XKR6: variants seen among roughly 807,000 people sequenced by gnomAD.
The protein encoded by XKR6 is XK-related protein 6.
In XKR6, 22 loss-of-function variants were observed where a neutral mutation model predicts 56.7. The ratio of observed to expected loss-of-function variants is 0.39; its 90% CI spans 0.28 to 0.55. The LOEUF is 0.55. XKR6 is among the 20% of genes least tolerant of loss of function. The probability of loss-of-function intolerance (pLI) is 0.66; values close to 1 mark genes in which losing one functional copy is unlikely to be tolerated. For missense variants in XKR6, 852 were observed against 889.0 expected (o/e 0.96, Z 0.53); for synonymous variants, 524 against 387.8 (o/e 1.35, Z -4.13).
chr8:11,013,420 C>T (rs1002814489), intron 1 of XKR6, among the ~76,000 whole-genome samples: 19 of 152,140 alleles, frequency 1.2e-4, no homozygotes, highest in African/African-American at 4.1e-4. Context: ...TTCAGGATGC[C>T]GGCTCTCATG....
chr8:11,179,157 CTCT>C (rs1191045417), intron 1 of XKR6, among the ~76,000 whole-genome samples: 3 of 151,704 alleles, frequency 2.0e-5, no homozygotes, highest in African/African-American at 7.3e-5. Context: ...ACACCCAGCC[CTCT>C]TCTTTTAATT....
intron 1 of XKR6, among the ~76,000 whole-genome samples, chr8:11,088,065 G>A (rs1401282762): frequency 6.6e-6 from 1 of 152,194 alleles, no homozygotes. Flanking sequence ...ATGCAAACAA[G>A]ATAAGTAGCT....
chr8:10,998,724 G>A (rs1489083496), intron 1 of XKR6, among the ~76,000 whole-genome samples: 4 of 152,142 alleles, frequency 2.6e-5, no homozygotes, highest in Admixed American at 6.5e-5. Flanking sequence ...CTCCATTTCC[G>A]CTGGGCTCTC....
intron 1 of XKR6, among the ~76,000 whole-genome samples, chr8:11,083,287 G>A (rs1445381806): frequency 2.0e-5 from 3 of 152,320 alleles, no homozygotes; most frequent in African/African-American, 7.2e-5. Flanking sequence ...GAGTGAGGAA[G>A]GAATGGGAAT....
At chr8:11,044,592 C>T (rs1799362041) in intron 1 of XKR6, among the ~76,000 whole-genome samples, 1 of 152,092 alleles carries the variant, frequency 6.6e-6, no homozygotes, top group African/African-American at 2.4e-5. Flanking sequence ...GATCATCCTC[C>T]CAACAACGCT....
intron 1 of XKR6, among the ~76,000 whole-genome samples, chr8:11,016,377 G>A (rs1014285377): frequency 6.6e-6 from 1 of 152,184 alleles, no homozygotes; most frequent in African/African-American, 2.4e-5. Flanking sequence ...AGTGTGCGCC[G>A]CGGGGACGCC....
rs781183141 is a variant in XKR6 at position 10,896,162 on chromosome 8, T to G, written c.*1790A>C. On this transcript the variant is annotated 3_prime_UTR_variant, in exon 3 of 3. Coordinates refer to ENST00000416569, the MANE Select transcript of XKR6 (RefSeq NM_173683.4). ...CTTTTCCTTTTTTTTTGTGCCCAAG[T>G]AGAGATACGATGCGATTGAAACGAT... 2 of 150,564 alleles carry G rather than the reference T, an allele frequency of 1.3e-5. No homozygotes were observed. The highest frequency in any genetic ancestry group is 2.4e-5 in the African/African-American group (1 of 41,066). 9.3% of individuals were successfully genotyped at this position (150,564 alleles called of 1,614,324 possible).
At position 11,064,636 on chromosome 8, in the gene XKR6, C is replaced by A. The variant is rs79355829; in HGVS notation, c.764+135940G>T. ...CAAGTTTCCTCAGACATTTCAGATA[C>A]TTGCATACTCTATTCTTTCATTCTC... On this transcript the variant is annotated intron_variant, in intron 1 of 2. Coordinates refer to ENST00000416569, the MANE Select transcript of XKR6 (RefSeq NM_173683.4). 1.3e-3 allele frequency among the ~76,000 whole-genome samples: 203 copies of A among 152,316 alleles called. 1 individual carries two copies. Among genetic ancestry groups the A allele is most frequent in the African/African-American group, 4.7e-3 (194 of 41,576 alleles).
intron 1 of XKR6, among the ~76,000 whole-genome samples, chr8:11,042,402 C>T (rs28754721): frequency 0.1 from 15,750 of 152,036 alleles, 929 homozygotes; most frequent in African/African-American, 0.16. Context: ...AGATTTTTCC[C>T]GTGCTATTCT....
chr8:11,201,366 T>C lies in XKR6; in HGVS notation c.-27A>G, dbSNP rs531042626. 2.0e-5 allele frequency: 11 copies of C among 544,794 alleles called. No individual in the cohort carries two copies. The African/African-American group carries it at 2.3e-4, about 11-fold the overall frequency. The allele number at this position is 544,794 out of a possible 1,614,324, so 33.7% of individuals were successfully genotyped here. ...TTGACTCTCTTCCCAGCTCCGGAGG[T>C]TGGGGGGGAGGGACGGCGGGGGGGG... is the stretch of plus-strand genomic sequence containing the variant. On this transcript the variant is annotated 5_prime_UTR_variant, in exon 1 of 3. Coordinates refer to ENST00000416569, the MANE Select transcript of XKR6 (RefSeq NM_173683.4).
chr8:11,154,223 C>G (rs1289171010), intron 1 of XKR6, among the ~76,000 whole-genome samples: 1 of 152,176 alleles, frequency 6.6e-6, no homozygotes, highest in Non-Finnish European at 1.5e-5. Flanking sequence ...TCACACGATA[C>G]CAGTAGACAT....
At chr8:11,126,123 C>G (rs1323429801) in intron 1 of XKR6, 1 of 151,674 alleles carries the variant, frequency 6.6e-6, no homozygotes, top group East Asian at 2.0e-4. Flanking sequence ...GACTGAAGTG[C>G]AGTGGCATGA....
intron 1 of XKR6, among the ~76,000 whole-genome samples, chr8:10,992,214 T>C (rs896669072): frequency 3.9e-5 from 6 of 152,134 alleles, no homozygotes; most frequent in African/African-American, 1.4e-4. Flanking sequence ...AATTAATAGA[T>C]GGTGGTAAAT....
intron 1 of XKR6, among the ~76,000 whole-genome samples, chr8:11,101,286 T>C (rs1005599021): frequency 1.3e-5 from 2 of 152,186 alleles, no homozygotes; most frequent in African/African-American, 4.8e-5. Flanking sequence ...TGTAAACTGC[T>C]GGACTTCCAG....
chr8:11,152,037 T>C (rs955339282), intron 1 of XKR6, among the ~76,000 whole-genome samples: 1 of 152,186 alleles, frequency 6.6e-6, no homozygotes, highest in East Asian at 1.9e-4. Flanking sequence ...ATTAACAAAT[T>C]ACTATCAAAA....
chr8:10,939,244 AG>A (rs1244794422), intron 1 of XKR6, among the ~76,000 whole-genome samples: 1 of 152,142 alleles, frequency 6.6e-6, no homozygotes, highest in Admixed American at 6.5e-5. Flanking sequence ...AAGGAAGGGC[AG>A]GAAGAGCCCT....
chr8:11,122,190 G>C (rs186983874), intron 1 of XKR6, among the ~76,000 whole-genome samples: 1 of 152,170 alleles, frequency 6.6e-6, no homozygotes. Flanking sequence ...TTGAAAATAC[G>C]GTCTTGCCTT....
chr8:11,118,752 A>G, intron 1 of XKR6, among the ~76,000 whole-genome samples: 1 of 152,152 alleles, frequency 6.6e-6, no homozygotes, highest in Non-Finnish European at 1.5e-5. Flanking sequence ...ATCTTTTCAA[A>G]AAACCAGCTC....
At chr8:10,924,926 C>T (rs937703820) in intron 1 of XKR6, 96 bp from the exon 2 acceptor site, 8 of 1,308,234 alleles carry the variant, frequency 6.1e-6, no homozygotes, top group Non-Finnish European at 8.4e-6. Context: ...GACTCAGCAT[C>T]CCCCCAACTC....
Sources: allele counts gnomAD v4.1 joint callset (sites outside exome capture counted in the v4.1 genomes callset), GRCh38; gene constraint gnomAD v4.1.1; transcripts MANE v1.5; gene names NCBI Gene and HGNC (gene_info 2026-07-23, HGNC 2026-07-21).